The following FHOD3 variants were observed in gnomAD, a reference collection of about 807,000 sequenced individuals.
FHOD3 encodes the protein FH1/FH2 domain-containing protein 3.
A neutral mutation model predicts 173.0 loss-of-function variants in FHOD3; 90 were observed. The observed-to-expected ratio is 0.52, with a 90% confidence interval of 0.44 to 0.62. The LOEUF (loss-of-function observed/expected upper bound fraction) is 0.62. Among genes scored for constraint, FHOD3 ranks in the 20% least tolerant of loss-of-function variants. The pLI, the probability that FHOD3 is intolerant of heterozygous loss-of-function variation, is 0.00. For synonymous variants in FHOD3, 828 were observed against 823.0 expected (o/e 1.01, Z -0.10); for missense variants, 1,945 against 2,034.7 (o/e 0.96, Z 0.85).
intron 6 of FHOD3, among the ~76,000 whole-genome samples, chr18:36,579,261 T>A (rs750609036): frequency 9.6e-4 from 147 of 152,332 alleles, no homozygotes; most frequent in Middle Eastern, 3.4e-3. Context: ...TTTTTGTACA[T>A]GACACAGCTG....
chr18:36,464,791 A>G (rs980672181), intron 3 of FHOD3, among the ~76,000 whole-genome samples: 1 of 151,994 alleles, frequency 6.6e-6, no homozygotes, highest in African/African-American at 2.4e-5. Flanking sequence ...AGAGGAAATA[A>G]GAACAAAGAC....
chr18:36,568,169 C>CAAAAA (rs111808600), intron 5 of FHOD3, among the ~76,000 whole-genome samples: 1 of 49,938 alleles, frequency 2.0e-5, no homozygotes, highest in African/African-American at 7.6e-5. Context: ...ACTAAAAATA[C>CAAAAA]AAAAAAAAAA....
intron 7 of FHOD3, among the ~76,000 whole-genome samples, chr18:36,600,711 T>C (rs2031252389): frequency 6.6e-6 from 1 of 152,204 alleles, no homozygotes; most frequent in African/African-American, 2.4e-5. Flanking sequence ...ACCAATGTAG[T>C]CTGGCTACCT....
chr18:36,683,106 C>T (rs543164728), intron 15 of FHOD3, among the ~76,000 whole-genome samples: 48 of 152,318 alleles, frequency 3.2e-4, no homozygotes, highest in African/African-American at 1.2e-3. Context: ...TCAGCTGTCA[C>T]ATTTCTACCA....
intron 19 of FHOD3, among the ~76,000 whole-genome samples, chr18:36,729,943 T>G (rs934053294): frequency 6.6e-6 from 1 of 152,212 alleles, no homozygotes; most frequent in Non-Finnish European, 1.5e-5. Context: ...GCCAGGACAC[T>G]TCTTATTCCC....
chr18:36,459,121 T>C (rs918985076), intron 3 of FHOD3, among the ~76,000 whole-genome samples: 1 of 149,708 alleles, frequency 6.7e-6, no homozygotes, highest in African/African-American at 2.5e-5. Flanking sequence ...TCCTATACTC[T>C]CCAGCACTGT....
intron 1 of FHOD3, among the ~76,000 whole-genome samples, chr18:36,317,915 G>A (rs1366713340): frequency 6.6e-6 from 1 of 152,186 alleles, no homozygotes; most frequent in African/African-American, 2.4e-5. Flanking sequence ...AAGGTATAAG[G>A]AAGGGATCCA....
chr18:36,562,851 C>G (rs969226892), intron 5 of FHOD3, among the ~76,000 whole-genome samples: 6 of 152,152 alleles, frequency 3.9e-5, no homozygotes, highest in African/African-American at 1.4e-4. Context: ...TACTCACATG[C>G]CCAGGTCAAT....
At chr18:36,746,797 G>C in intron 23 of FHOD3, 148 bp from the exon 24 acceptor site, 1 of 562,234 alleles carries the variant, frequency 1.8e-6, no homozygotes, top group South Asian at 2.8e-5. Context: ...ATACACATGT[G>C]AATAATTTTT....
chr18:36,692,369 T>G (rs1479199481), intron 16 of FHOD3, among the ~76,000 whole-genome samples: 2 of 152,220 alleles, frequency 1.3e-5, no homozygotes, highest in African/African-American at 4.8e-5. Flanking sequence ...AGAAACCTGT[T>G]ACAGCTGAAT....
At chr18:36,481,814 A>T (rs1025241730) in intron 3 of FHOD3, among the ~76,000 whole-genome samples, 48 of 149,174 alleles carry the variant, frequency 3.2e-4, no homozygotes, top group African/African-American at 1.1e-3. Flanking sequence ...CTACCCATTT[A>T]AAAAAAAAAG....
chr18:36,434,385 C>T (rs746640452), intron 3 of FHOD3, among the ~76,000 whole-genome samples: 3 of 152,066 alleles, frequency 2.0e-5, no homozygotes, highest in East Asian at 1.9e-4. Context: ...TGTGGTTCTA[C>T]GAATGGATTC....
intron 6 of FHOD3, among the ~76,000 whole-genome samples, chr18:36,577,893 A>G (rs1302143388): frequency 1.3e-5 from 2 of 152,180 alleles, no homozygotes; most frequent in South Asian, 2.1e-4. Context: ...GTGGAGGAGC[A>G]TGTGTTAGGG....
At chr18:36,447,503 T>TG (rs59483217) in intron 3 of FHOD3, among the ~76,000 whole-genome samples, 2 of 151,286 alleles carry the variant, frequency 1.3e-5, no homozygotes, top group East Asian at 2.0e-4. Flanking sequence ...TTTGTTTGTT[T>TG]TTTCCCCCAA....
At chr18:36,476,693 G>C (rs1455960615) in intron 3 of FHOD3, among the ~76,000 whole-genome samples, 2 of 152,212 alleles carry the variant, frequency 1.3e-5, no homozygotes, top group Non-Finnish European at 2.9e-5. Context: ...GAAAAATTAG[G>C]AATCTGGAAG....
intron 1 of FHOD3, among the ~76,000 whole-genome samples, chr18:36,339,099 C>T (rs183660221): frequency 1.1e-4 from 17 of 152,248 alleles, no homozygotes; most frequent in African/African-American, 4.1e-4. Context: ...ATCAGATCAC[C>T]TGTGGGTGGT....
intron 28 of FHOD3, among the ~76,000 whole-genome samples, chr18:36,774,407 A>G (rs567888691): frequency 6.6e-6 from 1 of 152,168 alleles, no homozygotes; most frequent in Admixed American, 6.5e-5. Context: ...GGAGACTTCA[A>G]CCTTGTCACC....
chr18:36,719,482 T>G (rs1357997829), intron 19 of FHOD3, among the ~76,000 whole-genome samples: 5 of 152,250 alleles, frequency 3.3e-5, no homozygotes, highest in Non-Finnish European at 7.3e-5. Context: ...TAGTAGAGAC[T>G]TCTTCGCCTA....
intron 5 of FHOD3, among the ~76,000 whole-genome samples, chr18:36,525,444 C>G (rs959515217): frequency 2.6e-5 from 4 of 152,088 alleles, no homozygotes; most frequent in Non-Finnish European, 4.4e-5. Flanking sequence ...TGAGACACCC[C>G]CAGCAGAAGA....
Sources: allele counts gnomAD v4.1 joint callset (sites outside exome capture counted in the v4.1 genomes callset), GRCh38; gene constraint gnomAD v4.1.1; transcripts MANE v1.5; gene names NCBI Gene and HGNC (gene_info 2026-07-23, HGNC 2026-07-21).